The following BPTF variants were observed in gnomAD, a reference collection of about 807,000 sequenced individuals.
BPTF encodes the protein nucleosome-remodeling factor subunit BPTF.
In BPTF, 18 loss-of-function variants were observed where a neutral mutation model predicts 292.5. The ratio of observed to expected loss-of-function variants is 0.06; its 90% CI spans 0.04 to 0.09. The LOEUF (loss-of-function observed/expected upper bound fraction) is 0.09, where lower values mean the gene tolerates loss of function less well. BPTF is among the 10% of genes least tolerant of loss of function. The pLI is 1.00. For synonymous variants in BPTF, 1,225 were observed against 1,251.9 expected (o/e 0.98, Z 0.45); for missense variants, 2,726 against 3,498.7 (o/e 0.78, Z 5.57).
In BPTF at chr17:67,945,966, C is replaced by A. The variant is rs782639578; in HGVS notation, c.7258C>A (p.Arg2420Ser). 6.2e-7 allele frequency: 1 copy of A among 1,614,176 alleles called. No homozygotes were observed. Among genetic ancestry groups the A allele is most frequent in the African/African-American group, 1.3e-5 (1 of 75,038 alleles). ...LNQVTVSSPS[R>S]PQLQIQQPQP... is the part of the protein sequence containing the mutation. The stretch of plus-strand genomic sequence containing the variant: ...TCAAGTTACTGTTTCATCCCCATCC[C>A]GTCCTCAGCTACAAATACAGCAGCC... Residue 2420 changes from arginine (R) to serine (S), a missense_variant, in exon 21 of 28, where the codon CGT (arginine) becomes AGT (serine). This residue lies in a region of BPTF where 570 missense variants were observed against 633.5 expected (regional missense o/e 0.90). Transcript: ENST00000306378.
At chr17:67,970,487 A>G (rs1238928354) in intron 26 of BPTF, among the ~76,000 whole-genome samples, 1 of 152,222 alleles carries the variant, frequency 6.6e-6, no homozygotes, top group Non-Finnish European at 1.5e-5. Flanking sequence ...AGATAATAAT[A>G]TAGATCTCTA....
chr17:67,882,537 T>G lies in BPTF; in HGVS notation c.1864+7517T>G, dbSNP rs142425913. On this transcript the variant is annotated intron_variant, in intron 4 of 27. Transcript: ENST00000306378. Reference sequence around the variant, plus strand: ...AGGGTATTCCTATCCTAATGTGCATTAATAATAAGAGGAAGTGATTTATTT... The same window carrying G: ...AGGGTATTCCTATCCTAATGTGCATGAATAATAAGAGGAAGTGATTTATTT... Among the ~76,000 whole-genome samples the G allele has an allele frequency of 3.9e-5, 6 of 152,336 alleles. No individual in the cohort carries two copies. The East Asian group carries it at 1.2e-3, about 29-fold the overall frequency.
At chr17:67,908,373 T>G (rs895671047) in intron 9 of BPTF, among the ~76,000 whole-genome samples, 2 of 152,120 alleles carry the variant, frequency 1.3e-5, no homozygotes, top group South Asian at 4.2e-4. Flanking sequence ...TGGGCTGGTG[T>G]TGAACTCCTG....
At chr17:67,943,762 A>G (rs1411777849) in intron 19 of BPTF, among the ~76,000 whole-genome samples, 1 of 152,218 alleles carries the variant, frequency 6.6e-6, no homozygotes, top group African/African-American at 2.4e-5. Context: ...GTGAGAATCA[A>G]ATGAGGCAGT....
At chr17:67,832,405 T>C (rs1486987049) in intron 1 of BPTF, among the ~76,000 whole-genome samples, 1 of 152,232 alleles carries the variant, frequency 6.6e-6, no homozygotes, top group African/African-American at 2.4e-5. Context: ...TTTTTCTAGA[T>C]AGTAAGTTAT....
At position 67,931,932 on chromosome 17, in the gene BPTF, C is replaced by T. The variant is rs200845949; in HGVS notation, c.6172C>T (p.Arg2058Cys). ...NSQVITGPQIRPGMTVIRTPL... is the reference protein window; with the variant it reads ...NSQVITGPQICPGMTVIRTPL... Reference sequence around the variant, plus strand: ...ATAGGTAATCACAGGGCCTCAGATTCGCCCTGGTATGACCGTGATTAGAAC... The same window carrying T: ...ATAGGTAATCACAGGGCCTCAGATTTGCCCTGGTATGACCGTGATTAGAAC... The change falls in exon 18 of 28, where the codon CGC (arginine) becomes TGC (cysteine). Residue 2058 changes from arginine (R) to cysteine (C), a missense_variant. Physicochemically the swap from Arg to Cys is radical, Grantham distance 180. Around this residue, in one of 22 missense-constraint regions of BPTF, gnomAD observed 570 missense variants for 633.5 expected, o/e 0.90. Coordinates refer to ENST00000306378, the MANE Select transcript of BPTF (RefSeq NM_182641.4). The T allele has an allele frequency of 6.2e-6, 10 of 1,612,886 alleles. No individual in the cohort carries two copies. The highest frequency in any genetic ancestry group is 4.5e-5 in the East Asian group (2 of 44,846).
intron 4 of BPTF, chr17:67,886,328 C>T: frequency 6.5e-7 from 1 of 1,542,758 alleles, no homozygotes; most frequent in East Asian, 2.3e-5. Flanking sequence ...TAAGAATATA[C>T]TTCATCCATT....
chr17:67,898,861 G>A (rs1178270557), intron 7 of BPTF, among the ~76,000 whole-genome samples: 1 of 147,036 alleles, frequency 6.8e-6, no homozygotes, highest in Non-Finnish European at 1.5e-5. Flanking sequence ...GCTGGAGGCT[G>A]CAGTGAGCCA....
chr17:67,895,713 C>T (rs1337902142), intron 7 of BPTF, among the ~76,000 whole-genome samples: 2 of 152,108 alleles, frequency 1.3e-5, no homozygotes, highest in African/African-American at 2.4e-5. Flanking sequence ...CTGCCTGCCT[C>T]AGCCTACCGG....
intron 3 of BPTF, among the ~76,000 whole-genome samples, chr17:67,869,902 T>G (rs1045372310): frequency 6.2e-5 from 9 of 144,426 alleles, no homozygotes; most frequent in African/African-American, 2.3e-4. Context: ...CTCGGCAGCC[T>G]GAGGCAAGAG....
intron 2 of BPTF, among the ~76,000 whole-genome samples, chr17:67,856,405 C>CTG (rs1295243310): frequency 1.3e-5 from 2 of 152,180 alleles, no homozygotes; most frequent in East Asian, 3.9e-4. Context: ...TTTCTCTCCT[C>CTG]TGTGCATGGT....
Position 67,964,242 on chromosome 17 carries a change from TTGGTA to T in BPTF, c.8293_8297del (p.Trp2765ProfsTer11), listed in dbSNP as rs2148387393. The T allele has an allele frequency of 6.2e-7, 1 of 1,613,832 alleles. No homozygotes were observed. The highest frequency in any genetic ancestry group is 1.7e-5 in the Admixed American group (1 of 60,016). ...ATATTGGCTGTGATCGGTGTCAGAA[TTGGTA>T]CCATGGGCGCTGCGTTGGCATCTTG... On this transcript the variant is annotated frameshift_variant, in exon 25 of 28. Transcript: ENST00000306378. LOFTEE classifies it high-confidence loss of function.
chr17:67,844,012 A>T (rs1329431253), intron 1 of BPTF, among the ~76,000 whole-genome samples: 1 of 137,418 alleles, frequency 7.3e-6, no homozygotes, highest in African/African-American at 2.7e-5. Context: ...TGATCCACCC[A>T]CCTCAGCCTC....
At chr17:67,940,805 A>G (rs553914179) in intron 19 of BPTF, 149 bp downstream of exon 19, 16 of 836,018 alleles carry the variant, frequency 1.9e-5, no homozygotes, top group Admixed American at 1.1e-4. Flanking sequence ...AATACCTCTT[A>G]GACAGGATAT....
At chr17:67,942,539 G>A (rs8071463) in intron 19 of BPTF, among the ~76,000 whole-genome samples, 99,952 of 152,018 alleles carry the variant, frequency 0.66, 35,300 homozygotes, top group Non-Finnish European at 0.79. Context: ...CCTATCAGTC[G>A]GTTCAGCCAT....
intron 7 of BPTF, among the ~76,000 whole-genome samples, chr17:67,899,245 G>A (rs943639803): frequency 2.6e-5 from 4 of 152,154 alleles, no homozygotes; most frequent in Admixed American, 6.5e-5. Flanking sequence ...GTCCTCAAAA[G>A]ATCCAAAAGC....
intron 23 of BPTF, chr17:67,956,421 G>C (rs2066947306): frequency 6.6e-6 from 1 of 151,982 alleles, no homozygotes; most frequent in Non-Finnish European, 1.5e-5. Context: ...AGGCTTAAGG[G>C]AGCCTCCCAC....
At chr17:67,853,858 A>AG (rs1480791003) in intron 1 of BPTF, 82 bp from the exon 2 acceptor site, 22 of 984,874 alleles carry the variant, frequency 2.2e-5, no homozygotes, top group South Asian at 2.1e-4. Flanking sequence ...TATGTATTTT[A>AG]GGGGGGTATA....
At chr17:67,845,167 A>AAGT (rs3029927) in intron 1 of BPTF, among the ~76,000 whole-genome samples, 51,712 of 151,854 alleles carry the variant, frequency 0.34, 11,111 homozygotes, top group East Asian at 0.67. Flanking sequence ...CATTATTGAT[A>AAGT]TAGATCACTT....
Sources: gnomAD v4.1 joint callset for allele counts (sites outside exome capture counted in the v4.1 genomes callset) on GRCh38, gnomAD v4.1.1 for gene constraint, gnomAD v4.1.1 regional missense constraint, MANE v1.5 for transcripts, NCBI Gene and HGNC (gene_info 2026-07-23, HGNC 2026-07-21) for gene names.